Variants in CACNA1C observed in about 807,000 individuals in gnomAD.
CACNA1C encodes the protein voltage-dependent L-type calcium channel subunit alpha-1C.
CACNA1C carries 30 observed loss-of-function variants against 229.0 expected under a neutral mutation model. The ratio of observed to expected loss-of-function variants is 0.13; its 90% confidence interval spans 0.10 to 0.18. The LOEUF (loss-of-function observed/expected upper bound fraction) is 0.18, where lower values mean the gene tolerates loss of function less well. CACNA1C is among the 10% of genes least tolerant of loss of function. CACNA1C has a pLI of 1.00. For synonymous variants in CACNA1C, 1,114 were observed against 1,132.5 expected, an observed-to-expected ratio of 0.98 and a Z score of 0.33; for missense variants, 1,658 against 2,845.0, an observed-to-expected ratio of 0.58 and a Z score of 9.49.
chr12:2,636,163 T>G (rs994016775), intron 30 of CACNA1C, among the ~76,000 whole-genome samples: 1 of 152,172 alleles, frequency 6.6e-6, no homozygotes, highest in African/African-American at 2.4e-5. Flanking sequence ...AGGTTTCCTT[T>G]CCAGACAGCA....
rs2099802200 is a variant in CACNA1C, at chr12:2,518,391, G to T, written c.1390+5407G>T. Among the ~76,000 whole-genome samples, 4 of 152,296 alleles carry T rather than the reference G, an allele frequency of 2.6e-5. 1 individual carries two copies. Among genetic ancestry groups the T allele is most frequent in the Non-Finnish European group, 5.9e-5 (4 of 68,018 alleles). On this transcript the variant is annotated intron_variant, in intron 9 of 46. Transcript: ENST00000399655. ...TGGGAGGCCGAGGCGGGTGGATCAT[G>T]AGGTCAGGAGATTGAGACCATCCTG...
chr12:2,522,099 G>T (rs1044442458), intron 9 of CACNA1C, among the ~76,000 whole-genome samples: 7 of 152,086 alleles, frequency 4.6e-5, no homozygotes, highest in African/African-American at 1.7e-4. Context: ...TTCCTCCCCT[G>T]CTCCTCCGTG....
At chr12:2,082,944 GTT>G (rs1240228054) in intron 1 of CACNA1C, among the ~76,000 whole-genome samples, 1 of 152,172 alleles carries the variant, frequency 6.6e-6, no homozygotes, top group East Asian at 1.9e-4. Flanking sequence ...TGTGAAAATA[GTT>G]TTTTGGTGGT....
chr12:1,997,556 T>G (rs2041238361), intron 1 of CACNA1C, among the ~76,000 whole-genome samples: 1 of 152,146 alleles, frequency 6.6e-6, no homozygotes, highest in Admixed American at 6.6e-5. Context: ...AATGAAACCC[T>G]TTTCCAAATA....
chr12:2,659,156 C>T (rs1057071275), intron 34 of CACNA1C, among the ~76,000 whole-genome samples: 17 of 152,204 alleles, frequency 1.1e-4, no homozygotes, highest in African/African-American at 4.1e-4. Context: ...TCACCACTCA[C>T]TCACTGCCCC....
At chr12:2,381,891 A>G (rs1025456317) in intron 3 of CACNA1C, among the ~76,000 whole-genome samples, 1 of 152,152 alleles carries the variant, frequency 6.6e-6, no homozygotes, top group Non-Finnish European at 1.5e-5. Context: ...AGAAGATAGA[A>G]ACAACTCTGA....
chr12:2,406,215 G>A (rs934984004), intron 3 of CACNA1C, among the ~76,000 whole-genome samples: 1 of 152,210 alleles, frequency 6.6e-6, no homozygotes, highest in Non-Finnish European at 1.5e-5. Flanking sequence ...TCAAGGGTTT[G>A]ACTGTGATAT....
At chr12:2,025,523 T>C (rs2047171684) in intron 1 of CACNA1C, among the ~76,000 whole-genome samples, 1 of 152,192 alleles carries the variant, frequency 6.6e-6, no homozygotes, top group African/African-American at 2.4e-5. Context: ...AAAATGGTTC[T>C]GGGCCCATTT....
chr12:2,625,441 C>A (rs918776998), intron 29 of CACNA1C, among the ~76,000 whole-genome samples: 1 of 152,194 alleles, frequency 6.6e-6, no homozygotes, highest in South Asian at 2.1e-4. Flanking sequence ...CCCGACCCAC[C>A]AAAGCCCGAG....
At chr12:2,658,606 G>A (rs1266315585) in intron 34 of CACNA1C, among the ~76,000 whole-genome samples, 3 of 140,538 alleles carry the variant, frequency 2.1e-5, no homozygotes, top group African/African-American at 8.0e-5. Context: ...TCATTATTTT[G>A]CAGTGTACTG....
At chr12:2,236,319 A>G (rs142326473) in intron 3 of CACNA1C, among the ~76,000 whole-genome samples, 4 of 152,180 alleles carry the variant, frequency 2.6e-5, no homozygotes, top group African/African-American at 4.8e-5. Flanking sequence ...TGGTCCACAC[A>G]TTGAGCAGCA....
At chr12:2,558,852 C>T (rs1247368061) in intron 11 of CACNA1C, among the ~76,000 whole-genome samples, 1 of 152,178 alleles carries the variant, frequency 6.6e-6, no homozygotes, top group Non-Finnish European at 1.5e-5. Flanking sequence ...ATCCTTGTTT[C>T]TCTCAAACCA....
intron 3 of CACNA1C, among the ~76,000 whole-genome samples, chr12:2,339,004 A>T (rs1375089004): frequency 1.3e-5 from 2 of 152,238 alleles, no homozygotes; most frequent in African/African-American, 4.8e-5. Flanking sequence ...TTAGAGAATA[A>T]TTTCAAAATT....
chr12:2,271,418 C>G (rs1601617923), intron 3 of CACNA1C, among the ~76,000 whole-genome samples: 1 of 152,340 alleles, frequency 6.6e-6, no homozygotes, highest in East Asian at 1.9e-4. Flanking sequence ...GTTAGGTATT[C>G]TGAGTACCTC....
chr12:2,610,488 C>T, intron 27 of CACNA1C, 53 bp from the exon 28 acceptor site: 13 of 1,562,202 alleles, frequency 8.3e-6, no homozygotes, highest in African/African-American at 1.3e-5. Flanking sequence ...CAGCTCCCCC[C>T]ACACCCTCCA....
At position 2,597,197 on chromosome 12, in the gene CACNA1C, C is replaced by T; in HGVS notation, c.2794-33C>T. On this transcript the variant is annotated intron_variant, in intron 20 of 46. Transcript: ENST00000399655. This position sits in a 1 kb window ranked among gnomAD's most constrained non-coding sequence, Gnocchi z 4.3. ...CGTCCTGCTTTTCTCCCTTCCCCAT[C>T]CCATCCCCACCCTGTTCCTTTTTGT... 1 of 1,426,124 alleles carries T rather than the reference C, an allele frequency of 7.0e-7. No homozygotes were observed. Among genetic ancestry groups the T allele is most frequent in the Non-Finnish European group, 9.9e-7 (1 of 1,011,104 alleles). 88.3% of individuals were successfully genotyped at this position (1,426,124 alleles called of 1,614,324 possible). A position where few individuals can be genotyped will look rare whatever the true frequency, so the allele number is the denominator to read the frequency against.
At position 2,347,910 on chromosome 12, in the gene CACNA1C, TG is replaced by T. The variant is rs2097093096; in HGVS notation, c.478-101064del. On this transcript the variant is annotated intron_variant, in intron 3 of 46. Transcript: ENST00000399655. The stretch of plus-strand genomic sequence containing the variant: ...AGGGGCTGTGCACTTGGTAGGCTGT[TG>T]GAGTATCACACCAGATTCCAGAAGA... 4.6e-5 allele frequency among the ~76,000 whole-genome samples: 7 copies of T among 152,236 alleles called. 1 individual carries two copies. In the South Asian group the frequency reaches 1.4e-3, roughly 31 times the overall value.
At chr12:2,234,839 A>T (rs2066699123) in intron 3 of CACNA1C, among the ~76,000 whole-genome samples, 1 of 152,110 alleles carries the variant, frequency 6.6e-6, no homozygotes, top group Non-Finnish European at 1.5e-5. Context: ...GAGGAGAGGG[A>T]GGGGAAGATC....
chr12:2,279,845 G>A (rs1035396489), intron 3 of CACNA1C, among the ~76,000 whole-genome samples: 4 of 152,240 alleles, frequency 2.6e-5, no homozygotes, highest in African/African-American at 9.6e-5. Context: ...ATGGAGGGAT[G>A]TGGATAGGTT....
Sources: allele counts gnomAD v4.1 joint callset (sites outside exome capture counted in the v4.1 genomes callset), GRCh38; gene constraint gnomAD v4.1.1; non-coding constraint Gnocchi (gnomAD v3.1); transcripts MANE v1.5; gene names NCBI Gene and HGNC (gene_info 2026-07-23, HGNC 2026-07-21).